The following YPEL2 variants were observed in gnomAD, a reference collection of about 807,000 sequenced individuals.
YPEL2 encodes yippee like 2.
In YPEL2, 2 loss-of-function variants were observed where a neutral mutation model predicts 19.1. That is an observed-to-expected ratio of 0.10 (90% confidence interval 0.04 to 0.33). The LOEUF is 0.33. Among genes scored for constraint, YPEL2 ranks in the 10% least tolerant of loss-of-function variants. YPEL2 has a pLI of 1.00. For synonymous variants in YPEL2, 52 were observed against 50.0 expected, an observed-to-expected ratio of 1.04 and a Z score of -0.17; for missense variants, 66 against 140.7, an observed-to-expected ratio of 0.47 and a Z score of 2.68.
At position 59,399,211 on chromosome 17, in the gene YPEL2, C is replaced by T. The variant is rs146704375; in HGVS notation, c.*2021C>T. ...CTTTCACATTCCTAAGCTGGCTTCC[C>T]GGCACAGAAGCCATGGATTTCCCCT... On this transcript the variant is annotated 3_prime_UTR_variant, in exon 5 of 5. Coordinates refer to ENST00000312655, the MANE Select transcript of YPEL2 (RefSeq NM_001005404.4). 15 of 152,732 alleles carry T rather than the reference C, an allele frequency of 9.8e-5. No individual in the cohort carries two copies. Among genetic ancestry groups the T allele is most frequent in the African/African-American group, 3.6e-4 (15 of 41,558 alleles). 9.5% of individuals were successfully genotyped at this position (152,732 alleles called of 1,614,324 possible).
chr17:59,379,197 C>A (rs2047936743), intron 2 of YPEL2, among the ~76,000 whole-genome samples: 1 of 152,158 alleles, frequency 6.6e-6, no homozygotes, highest in African/African-American at 2.4e-5. Flanking sequence ...AAGTTTTTAA[C>A]TTTGTTCTTT....
chr17:59,362,410 T>C (rs1194978969), intron 2 of YPEL2, among the ~76,000 whole-genome samples: 1 of 152,120 alleles, frequency 6.6e-6, no homozygotes, highest in Non-Finnish European at 1.5e-5. Flanking sequence ...TGGGCACACA[T>C]AGAGTTGCTC....
chr17:59,360,137 C>A (rs1431721456), intron 2 of YPEL2, among the ~76,000 whole-genome samples: 1 of 152,136 alleles, frequency 6.6e-6, no homozygotes, highest in Non-Finnish European at 1.5e-5. Flanking sequence ...AGTGCAGTGG[C>A]ACGATCTTGG....
intron 2 of YPEL2, among the ~76,000 whole-genome samples, chr17:59,376,435 C>T (rs1194400313): frequency 6.6e-6 from 1 of 152,134 alleles, no homozygotes; most frequent in Non-Finnish European, 1.5e-5. Context: ...GCAGACTGGT[C>T]TGGAACTCCT....
chr17:59,388,119 C>T (rs928732955), intron 2 of YPEL2, among the ~76,000 whole-genome samples: 8 of 152,104 alleles, frequency 5.3e-5, no homozygotes, highest in Non-Finnish European at 1.0e-4. Flanking sequence ...GAAAACAGTC[C>T]GGTGGGCCAG....
chr17:59,363,836 G>T (rs2047854416), intron 2 of YPEL2, among the ~76,000 whole-genome samples: 1 of 152,108 alleles, frequency 6.6e-6, no homozygotes, highest in African/African-American at 2.4e-5. Flanking sequence ...CCTATTTTAT[G>T]GTCTTACTCA....
intron 2 of YPEL2, 93 bp from the exon 3 acceptor site, chr17:59,388,234 T>A (rs2047990715): frequency 1.8e-5 from 22 of 1,246,700 alleles, no homozygotes; most frequent in Middle Eastern, 3.7e-4. Context: ...GTGTCAGTCC[T>A]GGAAGGTCAT....
chr17:59,399,292 T>C lies in YPEL2; in HGVS notation c.*2102T>C, dbSNP rs7221185. ...CTTCCTTTATGGATTTTCATTGGAC[T>C]CTTTCCTCAGCGATTGTCCTGGCTG... On this transcript the variant is annotated 3_prime_UTR_variant, in exon 5 of 5. Transcript: ENST00000312655. 0.57 allele frequency: 87,528 copies of C among 152,378 alleles called. 25,521 individuals are homozygous for C. Among genetic ancestry groups the C allele is most frequent in the East Asian group, 0.67 (3,463 of 5,176 alleles). 9.4% of individuals were successfully genotyped at this position (152,378 alleles called of 1,614,324 possible).
intron 4 of YPEL2, among the ~76,000 whole-genome samples, chr17:59,391,714 A>T (rs546465787): frequency 3.3e-5 from 5 of 152,118 alleles, no homozygotes; most frequent in Non-Finnish European, 7.4e-5. Flanking sequence ...CCTGGCCAAC[A>T]TATAGTGAAA....
intron 2 of YPEL2, among the ~76,000 whole-genome samples, chr17:59,369,286 T>C (rs1378908560): frequency 1.3e-5 from 2 of 152,244 alleles, no homozygotes; most frequent in Admixed American, 6.5e-5. Flanking sequence ...AGTCTTTATG[T>C]ATTTAGAGAA....
intron 2 of YPEL2, among the ~76,000 whole-genome samples, chr17:59,372,960 G>A (rs1435835278): frequency 6.6e-6 from 1 of 152,154 alleles, no homozygotes; most frequent in African/African-American, 2.4e-5. Context: ...TGCAACCTCT[G>A]CCTCCCAGGC....
chr17:59,370,546 T>G (rs560004600), intron 2 of YPEL2, among the ~76,000 whole-genome samples: 1 of 152,238 alleles, frequency 6.6e-6, no homozygotes, highest in African/African-American at 2.4e-5. Context: ...CACAACCTAT[T>G]TCTTGCTTTG....
chr17:59,361,326 A>G (rs906021427), intron 2 of YPEL2, among the ~76,000 whole-genome samples: 7 of 152,184 alleles, frequency 4.6e-5, no homozygotes, highest in Non-Finnish European at 8.8e-5. Flanking sequence ...TGCACATAGC[A>G]CTATTCTAGA....
chr17:59,357,103 T>G (rs962693233), intron 2 of YPEL2, among the ~76,000 whole-genome samples: 2 of 152,182 alleles, frequency 1.3e-5, no homozygotes, highest in African/African-American at 4.8e-5. Flanking sequence ...TGGATTGTTA[T>G]GAGGCTCAGC....
intron 1 of YPEL2, among the ~76,000 whole-genome samples, chr17:59,333,939 T>C (rs776600418): frequency 1.3e-5 from 2 of 152,196 alleles, no homozygotes; most frequent in Non-Finnish European, 2.9e-5. Flanking sequence ...GGCTCTGAAG[T>C]GCAGTCAGGT....
chr17:59,392,142 A>C (rs973569017), intron 4 of YPEL2, among the ~76,000 whole-genome samples: 3 of 152,188 alleles, frequency 2.0e-5, no homozygotes, highest in Non-Finnish European at 4.4e-5. Context: ...TCAAGTGCAG[A>C]AAAGTTCTGC....
intron 1 of YPEL2, among the ~76,000 whole-genome samples, chr17:59,336,226 A>G (rs2047698166): frequency 6.6e-6 from 1 of 152,242 alleles, no homozygotes; most frequent in African/African-American, 2.4e-5. Flanking sequence ...TGCTCTCAGA[A>G]TTACTTTCAC....
Position 59,397,264 on chromosome 17 carries a change from G to A in YPEL2, c.*74G>A, listed in dbSNP as rs2048044458. 1.6e-6 allele frequency: 2 copies of A among 1,222,400 alleles called. No individual in the cohort carries two copies. The highest frequency in any genetic ancestry group is 2.7e-5 in the East Asian group (1 of 37,174). The allele number at this position is 1,222,400 out of a possible 1,614,324, so 75.7% of individuals were successfully genotyped here. The stretch of plus-strand genomic sequence containing the variant: ...GAACATTCTTCCCAAGCGTGAGAGA[G>A]TGACTGACACTTGGTTCCATCCATT... On this transcript the variant is annotated 3_prime_UTR_variant, in exon 5 of 5. Coordinates refer to ENST00000312655, the MANE Select transcript of YPEL2 (RefSeq NM_001005404.4).
chr17:59,338,263 A>T (rs980857487), intron 1 of YPEL2, among the ~76,000 whole-genome samples: 1 of 152,236 alleles, frequency 6.6e-6, no homozygotes, highest in Non-Finnish European at 1.5e-5. Flanking sequence ...TCCAGTTGGC[A>T]GATGGGTGCC....
Sources: gnomAD v4.1 joint callset for allele counts (sites outside exome capture counted in the v4.1 genomes callset) on GRCh38, gnomAD v4.1.1 for gene constraint, MANE v1.5 for transcripts, NCBI Gene and HGNC (gene_info 2026-07-23, HGNC 2026-07-21) for gene names.